GORAB: variants seen among roughly 807,000 people sequenced by gnomAD.
The protein encoded by GORAB is RAB6-interacting golgin.
A neutral mutation model predicts 29.9 loss-of-function variants in GORAB; 17 were observed. The observed-to-expected ratio is 0.57, with a 90% CI of 0.39 to 0.85. GORAB has a LOEUF of 0.85. GORAB is among the 40% of genes least tolerant of loss of function. The pLI, the probability that GORAB is intolerant of heterozygous loss-of-function variation, is 0.00. For synonymous variants in GORAB, 183 were observed against 157.2 expected (o/e 1.16, Z -1.23); for missense variants, 442 against 437.8 (o/e 1.01, Z -0.09).
At position 170,552,562 on chromosome 1, in the gene GORAB, C is replaced by T. The variant is rs1482784798; in HGVS notation, c.*100C>T. On this transcript the variant is annotated 3_prime_UTR_variant, in exon 5 of 5. Transcript: ENST00000367763. ...CAATAAAAACCTCTTTAAAACAATGCTGATTTTTGAATTCATGATTAGTTT... is the reference window on the plus strand; with the variant it reads ...CAATAAAAACCTCTTTAAAACAATGTTGATTTTTGAATTCATGATTAGTTT... 1.1e-5 allele frequency: 11 copies of T among 1,005,618 alleles called. No individual in the cohort carries two copies. The highest frequency in any genetic ancestry group is 1.6e-5 in the African/African-American group (1 of 63,000). The allele number at this position is 1,005,618 out of a possible 1,614,324, so 62.3% of individuals were successfully genotyped here.
At chr1:170,544,868 G>C (rs1649662435) in intron 4 of GORAB, 23 bp downstream of exon 4, 6 of 1,597,836 alleles carry the variant, frequency 3.8e-6, no homozygotes, top group Non-Finnish European at 4.3e-6. Context: ...AATTGAATCT[G>C]AACAAGGAGT....
At chr1:170,533,772 C>T (rs1197823628) in intron 1 of GORAB, 1 of 294,940 alleles carries the variant, frequency 3.4e-6, no homozygotes, top group African/African-American at 2.2e-5. Flanking sequence ...AACTTCAAGG[C>T]CCACTGTAGT....
At chr1:170,547,367 A>G (rs1649824810) in intron 4 of GORAB, among the ~76,000 whole-genome samples, 1 of 152,118 alleles carries the variant, frequency 6.6e-6, no homozygotes, top group African/African-American at 2.4e-5. Flanking sequence ...CTCTGAGAAG[A>G]CTAGCACTTT....
At chr1:170,542,431 A>G in intron 2 of GORAB, 60 bp from the exon 3 acceptor site, 1 of 957,058 alleles carries the variant, frequency 1.0e-6, no homozygotes, top group South Asian at 1.3e-5. Context: ...AAGGTGTTGG[A>G]TAGGGTAGCA....
chr1:170,538,148 A>G (rs191444650), intron 1 of GORAB, among the ~76,000 whole-genome samples: 1 of 152,330 alleles, frequency 6.6e-6, no homozygotes, highest in East Asian at 1.9e-4. Context: ...TTAATTTTCA[A>G]CCAGCTTGAT....
At chr1:170,532,634 G>GT (rs1177414065) in intron 1 of GORAB, 17 of 322,958 alleles carry the variant, frequency 5.3e-5, no homozygotes, top group African/African-American at 3.0e-4. Flanking sequence ...GAAGGTTAGG[G>GT]TCAGGGTAAG....
chr1:170,552,649 G>T lies in GORAB; in HGVS notation c.*187G>T, dbSNP rs559927305. On this transcript the variant is annotated 3_prime_UTR_variant, in exon 5 of 5. Coordinates refer to ENST00000367763, the MANE Select transcript of GORAB (RefSeq NM_152281.3). ...AATTATGATAACTGTATTTCTAGGG[G>T]TATGTTTCACCTTGATTTTGGCCCG... The T allele has an allele frequency of 3.1e-6, 2 of 653,170 alleles. 1 individual carries two copies. Among genetic ancestry groups the T allele is most frequent in the East Asian group, 6.1e-5 (2 of 32,552 alleles). 40.5% of individuals were successfully genotyped at this position (653,170 alleles called of 1,614,324 possible). A position where few individuals can be genotyped will look rare whatever the true frequency, so the allele number is the denominator to read the frequency against.
chr1:170,539,455 A>C lies in GORAB; in HGVS notation c.307A>C (p.Ile103Leu). Residue 103 changes from isoleucine (I) to leucine (L), a missense_variant, in exon 2 of 5, where the codon ATT becomes CTT. Physicochemically the swap from Ile to Leu is conservative, Grantham distance 5. Transcript: ENST00000367763. ...CGTTGGTGATGGACAACCACAGGGC[A>C]TTGAAAGTCAGCCAAAGGAACTGGG... ...SPVGDGQPQGIESQPKELGLE... is the reference protein window; with the variant it reads ...SPVGDGQPQGLESQPKELGLE... 6.2e-7 allele frequency: 1 copy of C among 1,614,130 alleles called. No homozygotes were observed.
Position 170,539,246 on chromosome 1 carries a change from A to G in GORAB, c.98A>G (p.Lys33Arg), listed in dbSNP as rs1649246491. Reference protein sequence around the residue: ...FEPQRRLPAKKSRQQLQREKA... With the variant: ...FEPQRRLPAKRSRQQLQREKA... ...CCACAGCGACGTCTCCCCGCGAAGA[A>G]AAGTCGACAACAACTTCAGCGAGAA... Residue 33 changes from lysine to arginine, a missense_variant, in exon 2 of 5, where the codon AAA (lysine) becomes AGA (arginine). By Grantham distance (26) the Lys-to-Arg change is conservative (BLOSUM62 2). Transcript: ENST00000367763. 6.2e-7 allele frequency: 1 copy of G among 1,614,062 alleles called. No individual in the cohort carries two copies. Among genetic ancestry groups the G allele is most frequent in the African/African-American group, 1.3e-5 (1 of 74,938 alleles).
intron 4 of GORAB, among the ~76,000 whole-genome samples, chr1:170,546,328 T>C (rs975628622): frequency 6.6e-6 from 1 of 151,760 alleles, no homozygotes; most frequent in African/African-American, 2.4e-5. Flanking sequence ...AGGCGGATCT[T>C]GCAGTGAGCC....
Position 170,552,375 on chromosome 1 carries a change from G to C in GORAB, c.1023G>C (p.Gln341His), listed in dbSNP as rs755608590. The C allele has an allele frequency of 1.2e-6, 2 of 1,613,986 alleles. No individual in the cohort carries two copies. Among genetic ancestry groups the C allele is most frequent in the African/African-American group, 2.7e-5 (2 of 74,932 alleles). Reference sequence around the variant, plus strand: ...CTGTTTCCCCAAAGGTAGATGACCAGTGTGGAAATTCCAGTAGCATCCCCT... The same window carrying C: ...CTGTTTCCCCAAAGGTAGATGACCACTGTGGAAATTCCAGTAGCATCCCCT... ...EQAVSPKVDDQCGNSSSIPFL... is the reference protein window; with the variant it reads ...EQAVSPKVDDHCGNSSSIPFL... The change falls in exon 5 of 5, where the codon CAG (glutamine) becomes CAC (histidine). Residue 341 changes from glutamine to histidine, a missense_variant. Coordinates refer to ENST00000367763, the MANE Select transcript of GORAB (RefSeq NM_152281.3).
At chr1:170,532,390 T>A in intron 1 of GORAB, 106 bp downstream of exon 1, 1 of 1,246,942 alleles carries the variant, frequency 8.0e-7, no homozygotes, top group Non-Finnish European at 1.2e-6. Context: ...ACGTTTGTGT[T>A]AGCGGAAGGC....
intron 3 of GORAB, among the ~76,000 whole-genome samples, chr1:170,544,208 A>G: frequency 6.6e-6 from 1 of 152,216 alleles, no homozygotes. Flanking sequence ...CAAAGCAATA[A>G]AAGTTTGGGG....
chr1:170,550,279 C>T (rs1468527689), intron 4 of GORAB, among the ~76,000 whole-genome samples: 1 of 152,180 alleles, frequency 6.6e-6, no homozygotes, highest in African/African-American at 2.4e-5. Context: ...CTGAGATGAG[C>T]CGGGCAAACC....
At chr1:170,548,017 A>G (rs1649867254) in intron 4 of GORAB, among the ~76,000 whole-genome samples, 1 of 152,226 alleles carries the variant, frequency 6.6e-6, no homozygotes, top group African/African-American at 2.4e-5. Flanking sequence ...GTGTCTCTGC[A>G]TTTGTATTAG....
In GORAB at chr1:170,553,513, G is replaced by C. The variant is rs1275323005; in HGVS notation, c.*1051G>C. ...AAAAAGTAAAAATATTACCTTTGAG[G>C]ACTTTTTTTTTTTAAAAAAAGAATT... On this transcript the variant is annotated 3_prime_UTR_variant, in exon 5 of 5. Coordinates refer to ENST00000367763, the MANE Select transcript of GORAB (RefSeq NM_152281.3). 1 of 429,736 alleles carries C rather than the reference G, an allele frequency of 2.3e-6. No homozygotes were observed. 26.6% of individuals were successfully genotyped at this position (429,736 alleles called of 1,614,324 possible). A position where few individuals can be genotyped will look rare whatever the true frequency, so the allele number is the denominator to read the frequency against.
intron 4 of GORAB, among the ~76,000 whole-genome samples, chr1:170,549,112 T>C (rs985608573): frequency 1.3e-5 from 2 of 152,158 alleles, no homozygotes; most frequent in African/African-American, 4.8e-5. Flanking sequence ...AAGAGACAAT[T>C]TCTAGAATCC....
chr1:170,545,422 A>G (rs891240053), intron 4 of GORAB: 4 of 955,858 alleles, frequency 4.2e-6, no homozygotes, highest in Admixed American at 6.2e-5. Context: ...GGTTTAATAT[A>G]TGTTTCCTTG....
intron 1 of GORAB, among the ~76,000 whole-genome samples, chr1:170,532,893 G>C (rs1443464608): frequency 6.6e-6 from 1 of 152,160 alleles, no homozygotes; most frequent in Non-Finnish European, 1.5e-5. Flanking sequence ...TATACATACA[G>C]TCTTACTGAC....
Sources: gnomAD v4.1 joint callset for allele counts (sites outside exome capture counted in the v4.1 genomes callset) on GRCh38, gnomAD v4.1.1 for gene constraint, MANE v1.5 for transcripts, NCBI Gene and HGNC (gene_info 2026-07-23, HGNC 2026-07-21) for gene names.